REV3L: variants seen among roughly 807,000 people sequenced by gnomAD.
REV3L encodes the protein REV3 like, DNA directed polymerase zeta catalytic subunit, also known as DNA polymerase zeta catalytic subunit.
Under a neutral mutation model 299.4 loss-of-function variants are expected in REV3L, and 69 were observed. The ratio of observed to expected loss-of-function variants is 0.23; its 90% CI spans 0.19 to 0.28. The LOEUF (loss-of-function observed/expected upper bound fraction) is 0.28, where lower values mean the gene tolerates loss of function less well. Ranked by LOEUF, REV3L falls within the 10% of genes least tolerant of loss-of-function variation. The pLI is 1.00. For missense variants in REV3L, 3,128 were observed against 3,693.8 expected (o/e 0.85, Z 3.97); for synonymous variants, 1,238 against 1,271.4 (o/e 0.97, Z 0.56).
At position 111,372,867 on chromosome 6, in the gene REV3L, C is replaced by T. The variant is rs1779941646; in HGVS notation, c.5488G>A (p.Val1830Ile). ...TCTAAATCTTCACAGGCCACGTCTA[C>T]AAGTTCACCATCAGGGGAGGAGAGT... ...AILSSPDGEL[V>I]DVACEDLELY... is the part of the protein sequence containing the mutation. Residue 1830 changes from valine to isoleucine, a missense_variant, in exon 13 of 32, where the codon GTA (valine) becomes ATA (isoleucine). Transcript: ENST00000368802. 1.1e-5 allele frequency: 17 copies of T among 1,614,136 alleles called. No individual in the cohort carries two copies. Among genetic ancestry groups the T allele is most frequent in the Non-Finnish European group, 1.4e-5 (17 of 1,180,000 alleles).
At chr6:111,310,907 A>C (rs777832223) in intron 29 of REV3L, 162 bp downstream of exon 29, 15 of 472,480 alleles carry the variant, frequency 3.2e-5, no homozygotes, top group Non-Finnish European at 4.7e-5. Flanking sequence ...TTCACATCTT[A>C]CGAAGTATGA....
At chr6:111,417,433 C>CA (rs1372551580) in intron 1 of REV3L, among the ~76,000 whole-genome samples, 1 of 152,148 alleles carries the variant, frequency 6.6e-6, no homozygotes, top group African/African-American at 2.4e-5. Context: ...CTAATCCAAA[C>CA]AGAGAGGAGA....
chr6:111,452,519 C>T (rs1194784514), intron 1 of REV3L, among the ~76,000 whole-genome samples: 1 of 151,864 alleles, frequency 6.6e-6, no homozygotes, highest in African/African-American at 2.4e-5. Flanking sequence ...TTAACTCATA[C>T]GACAATGTGG....
At chr6:111,418,859 C>G (rs1582913079) in intron 1 of REV3L, among the ~76,000 whole-genome samples, 1 of 152,264 alleles carries the variant, frequency 6.6e-6, no homozygotes, top group South Asian at 2.1e-4. Context: ...ACAAAAAACA[C>G]ATGGTATGTG....
intron 1 of REV3L, among the ~76,000 whole-genome samples, chr6:111,448,784 C>G (rs1225717968): frequency 9.2e-6 from 1 of 108,272 alleles, no homozygotes; most frequent in Non-Finnish European, 2.3e-5. Context: ...CCACACTTGG[C>G]TATTTTTTTT....
At chr6:111,358,121 G>A (rs530623550) in intron 17 of REV3L, among the ~76,000 whole-genome samples, 27 of 152,212 alleles carry the variant, frequency 1.8e-4, no homozygotes, top group Non-Finnish European at 2.8e-4. Flanking sequence ...GGGACAGTAG[G>A]TATTTTATAA....
In REV3L at chr6:111,483,138, C is replaced by G. The variant is rs1291662208; in HGVS notation, c.-250G>C. 3.5e-5 allele frequency: 17 copies of G among 489,778 alleles called. No individual in the cohort carries two copies. In the South Asian group the frequency reaches 5.8e-4, roughly 17 times the overall value. The allele number at this position is 489,778 out of a possible 1,614,324, so 30.3% of individuals were successfully genotyped here. ...GAGCTTTCGTCGGTGCTGGTGCTGC[C>G]GCCACTGCCGCCACCGCCGGGAATC... On this transcript the variant is annotated 5_prime_UTR_variant, in exon 1 of 32. Transcript: ENST00000368802.
chr6:111,467,002 G>GC (rs1235150157), intron 1 of REV3L, among the ~76,000 whole-genome samples: 1 of 152,106 alleles, frequency 6.6e-6, no homozygotes, highest in Non-Finnish European at 1.5e-5. Context: ...AGACGCTAAA[G>GC]AATACATCAA....
chr6:111,472,882 T>G (rs983496023), intron 1 of REV3L, among the ~76,000 whole-genome samples: 2 of 152,194 alleles, frequency 1.3e-5, no homozygotes, highest in African/African-American at 4.8e-5. Context: ...TTACTTATAA[T>G]TTGTTTTGGT....
intron 21 of REV3L, among the ~76,000 whole-genome samples, chr6:111,343,028 TAA>T (rs896683245): frequency 2.0e-5 from 3 of 152,166 alleles, no homozygotes; most frequent in Admixed American, 1.3e-4. Flanking sequence ...GAAAACAGAT[TAA>T]GTTTCTTAAA....
chr6:111,387,681 C>T, intron 9 of REV3L, 84 bp downstream of exon 9: 3 of 1,331,212 alleles, frequency 2.3e-6, no homozygotes, highest in South Asian at 1.4e-5. Context: ...GAAAAAAATC[C>T]CTAGCAAACT....
intron 1 of REV3L, among the ~76,000 whole-genome samples, chr6:111,440,526 GA>G (rs1788141178): frequency 6.6e-6 from 1 of 152,098 alleles, no homozygotes; most frequent in South Asian, 2.1e-4. Context: ...ACTTATAAGG[GA>G]CAGCCCTCCT....
chr6:111,316,752 C>T (rs543166520), intron 26 of REV3L, among the ~76,000 whole-genome samples: 240 of 151,324 alleles, frequency 1.6e-3, no homozygotes, highest in African/African-American at 5.3e-3. Flanking sequence ...AAAAGACACA[C>T]GGAAGAAAAT....
At chr6:111,440,868 GAAT>G (rs879270265) in intron 1 of REV3L, among the ~76,000 whole-genome samples, 3 of 152,166 alleles carry the variant, frequency 2.0e-5, no homozygotes, top group Non-Finnish European at 2.9e-5. Flanking sequence ...ACTGCACACA[GAAT>G]AATTCGAGGT....
rs1343424781 is a variant in REV3L, at chr6:111,416,484, C to T, written c.140-12G>A. ...ACATGTCTTCTGACCTAAAATGTAACACATTATAAAGTTTAGTTTCCAGAC... is the reference window on the plus strand; with the variant it reads ...ACATGTCTTCTGACCTAAAATGTAATACATTATAAAGTTTAGTTTCCAGAC... On this transcript the variant is annotated splice_polypyrimidine_tract_variant and intron_variant, in intron 1 of 31. Coordinates refer to ENST00000368802, the MANE Select transcript of REV3L (RefSeq NM_001372078.1). 4 of 1,594,236 alleles carry T rather than the reference C, an allele frequency of 2.5e-6. No individual in the cohort carries two copies. In the African/African-American group the frequency reaches 4.0e-5, roughly 16 times the overall value.
chr6:111,464,107 A>G (rs1325496313), intron 1 of REV3L, among the ~76,000 whole-genome samples: 1 of 152,072 alleles, frequency 6.6e-6, no homozygotes, highest in African/African-American at 2.4e-5. Context: ...ATAAATAAAT[A>G]ACAAAAATTT....
intron 26 of REV3L, among the ~76,000 whole-genome samples, chr6:111,318,312 C>A (rs1773756777): frequency 6.6e-6 from 1 of 151,792 alleles, no homozygotes; most frequent in East Asian, 2.0e-4. Flanking sequence ...TGGTCTCCAT[C>A]TGCCCGCCTG....
chr6:111,414,766 C>A (rs900512636), intron 2 of REV3L, among the ~76,000 whole-genome samples: 2 of 152,126 alleles, frequency 1.3e-5, no homozygotes, highest in Admixed American at 6.6e-5. Flanking sequence ...TTGCAGTCAA[C>A]CTTGATTCCT....
At chr6:111,337,691 A>G (rs1029260245) in intron 21 of REV3L, among the ~76,000 whole-genome samples, 1 of 152,234 alleles carries the variant, frequency 6.6e-6, no homozygotes, top group Admixed American at 6.6e-5. Flanking sequence ...TAAAATTATT[A>G]TGAGTTTGAT....
Sources: gnomAD v4.1 joint callset for allele counts (sites outside exome capture counted in the v4.1 genomes callset) on GRCh38, gnomAD v4.1.1 for gene constraint, MANE v1.5 for transcripts, NCBI Gene and HGNC (gene_info 2026-07-23, HGNC 2026-07-21) for gene names.